SORT1: variants seen among roughly 807,000 people sequenced by gnomAD.
The protein encoded by SORT1 is sortilin.
Under a neutral mutation model 101.7 loss-of-function variants are expected in SORT1, and 39 were observed. That is an observed-to-expected ratio of 0.38 (90% CI 0.30 to 0.50). SORT1 has a LOEUF of 0.50. Among genes scored for constraint, SORT1 ranks in the 20% least tolerant of loss-of-function variants. The pLI is 0.90. For synonymous variants in SORT1, 396 were observed against 393.7 expected (o/e 1.01, Z -0.07); for missense variants, 878 against 1,040.4 (o/e 0.84, Z 2.15).
chr1:109,316,241 G>C lies in SORT1; in HGVS notation c.2250+609C>G, dbSNP rs191209412. 2.1e-3 allele frequency among the ~76,000 whole-genome samples: 313 copies of C among 150,332 alleles called. 4 individuals are homozygous for C. The highest frequency in any genetic ancestry group is 0.019 in the East Asian group (96 of 5,068). The stretch of plus-strand genomic sequence containing the variant: ...ACAGACAACCTTTTTTTTTTGGTAC[G>C]GAGTCTTGCTCTGTTGCCCAGGTTG... On this transcript the variant is annotated intron_variant, in intron 17 of 19. Transcript: ENST00000256637.
chr1:109,393,239 C>G, intron 1 of SORT1: 1 of 985,382 alleles, frequency 1.0e-6, no homozygotes, highest in Non-Finnish European at 1.2e-6. Flanking sequence ...TTTAAGGAAC[C>G]AGATGCTTTA....
At chr1:109,335,067 T>C (rs1222147240) in intron 11 of SORT1, among the ~76,000 whole-genome samples, 1 of 151,652 alleles carries the variant, frequency 6.6e-6, no homozygotes, top group African/African-American at 2.4e-5. Context: ...TCAACTGGGG[T>C]TGGGGGAGAC....
chr1:109,342,616 T>C (rs993918317), intron 8 of SORT1, among the ~76,000 whole-genome samples: 5 of 152,104 alleles, frequency 3.3e-5, no homozygotes, highest in African/African-American at 7.2e-5. Flanking sequence ...GTCTAGAAAA[T>C]AGAGATGAAA....
At chr1:109,340,955 G>C (rs959189399) in intron 9 of SORT1, 76 bp from the exon 10 acceptor site, 10 of 645,024 alleles carry the variant, frequency 1.6e-5, no homozygotes, top group Non-Finnish European at 2.2e-5. Context: ...AACCACACAC[G>C]ATTACCTGCC....
At chr1:109,390,987 T>C (rs1348313215) in intron 1 of SORT1, among the ~76,000 whole-genome samples, 2 of 152,098 alleles carry the variant, frequency 1.3e-5, no homozygotes, top group African/African-American at 4.8e-5. Context: ...CCATCTATTT[T>C]CAAACACACA....
rs549845026 is a variant in SORT1, at chr1:109,335,267, G to A, written c.1371+973C>T. On this transcript the variant is annotated intron_variant, in intron 11 of 19. Coordinates refer to ENST00000256637, the MANE Select transcript of SORT1 (RefSeq NM_002959.7). ...ACAGGCCAAGAGAGCCACAACGAGC[G>A]CTGGGCAGGGAGAGGCATGGGGAGC... Among the ~76,000 whole-genome samples the A allele has an allele frequency of 4.6e-5, 7 of 152,318 alleles. No homozygotes were observed. In the East Asian group the frequency reaches 1.4e-3, roughly 29 times the overall value.
At chr1:109,390,700 CA>C (rs1167803376) in intron 1 of SORT1, among the ~76,000 whole-genome samples, 1 of 151,496 alleles carries the variant, frequency 6.6e-6, no homozygotes, top group Non-Finnish European at 1.5e-5. Context: ...TCCTTCAGAG[CA>C]ATTGTACTGT....
At chr1:109,360,012 AG>A (rs1023775789) in intron 3 of SORT1, among the ~76,000 whole-genome samples, 3 of 152,232 alleles carry the variant, frequency 2.0e-5, no homozygotes, top group African/African-American at 7.2e-5. Context: ...ATTCCAAAAA[AG>A]GGAAATGGAA....
intron 1 of SORT1, among the ~76,000 whole-genome samples, chr1:109,373,430 C>A (rs1302792712): frequency 6.6e-6 from 1 of 152,216 alleles, no homozygotes; most frequent in African/African-American, 2.4e-5. Flanking sequence ...CCCATCAGCA[C>A]ACGCATGTGA....
At chr1:109,336,817 A>G (rs1227134319) in intron 10 of SORT1, among the ~76,000 whole-genome samples, 1 of 152,010 alleles carries the variant, frequency 6.6e-6, no homozygotes, top group East Asian at 1.9e-4. Context: ...TCTCAGAAAA[A>G]AAAAAAAAAA....
chr1:109,314,224 G>A, intron 19 of SORT1, 37 bp downstream of exon 19: 1 of 1,479,648 alleles, frequency 6.8e-7, no homozygotes, highest in East Asian at 2.4e-5. Context: ...ATTTTTTGGG[G>A]GGGGGGGTAC....
chr1:109,355,350 A>C lies in SORT1; in HGVS notation c.543+17T>G. The C allele has an allele frequency of 7.6e-7, 1 of 1,311,646 alleles. No individual in the cohort carries two copies. 81.3% of individuals were successfully genotyped at this position (1,311,646 alleles called of 1,614,324 possible). A position where few individuals can be genotyped will look rare whatever the true frequency, so the allele number is the denominator to read the frequency against. ...GGTATCAAGCACAAGCTTTATGTAT[A>C]CAAGAATGAGTCTCACCTTTCCAGA... On this transcript the variant is annotated intron_variant, in intron 4 of 19. Transcript: ENST00000256637.
intron 5 of SORT1, among the ~76,000 whole-genome samples, chr1:109,353,898 C>T (rs924283136): frequency 1.3e-4 from 20 of 151,666 alleles, no homozygotes; most frequent in African/African-American, 3.6e-4. Flanking sequence ...TGGTAGGGAG[C>T]GCAGGGATTT....
chr1:109,348,228 G>A (rs1649726468), intron 6 of SORT1, among the ~76,000 whole-genome samples: 1 of 152,108 alleles, frequency 6.6e-6, no homozygotes, highest in Non-Finnish European at 1.5e-5. Context: ...GGAGTTTGCA[G>A]GGAACTAGAT....
In SORT1 at chr1:109,329,200, T is replaced by TA. The variant is rs998413668; in HGVS notation, c.1372-1600dup. Among the ~76,000 whole-genome samples the TA allele has an allele frequency of 5.3e-5, 8 of 152,120 alleles. No homozygotes were observed. The East Asian group carries it at 5.8e-4, about 11-fold the overall frequency. On this transcript the variant is annotated intron_variant, in intron 11 of 19. Transcript: ENST00000256637. Reference sequence around the variant, plus strand: ...AGGACACATAGGCTAAAAGTAGAGATAAAAAAAAGATATTCCACTCAAATG... The same window carrying TA: ...AGGACACATAGGCTAAAAGTAGAGATAAAAAAAAAGATATTCCACTCAAATG...
chr1:109,397,773 CG>C lies in SORT1; in HGVS notation c.119del (p.Pro40ArgfsTer17). The C allele has an allele frequency of 8.2e-7, 1 of 1,213,908 alleles. No homozygotes were observed. The highest frequency in any genetic ancestry group is 2.5e-5 in the South Asian group (1 of 40,024). 75.2% of individuals were successfully genotyped at this position (1,213,908 alleles called of 1,614,324 possible). The stretch of plus-strand genomic sequence containing the variant: ...GCGGCAGCGGCGCAGCGGGCGGCGG[CG>C]GCGCGTCCAGCCGGTCCTGGCTGAG... Reference protein sequence around the residue: ...STLSQDRLDAPPPPAAPLPRW... With the variant: ...STLSQDRLDAXPPPAAPLPRW... On this transcript the variant is annotated frameshift_variant, in exon 1 of 20. Coordinates refer to ENST00000256637, the MANE Select transcript of SORT1 (RefSeq NM_002959.7). LOFTEE classifies it high-confidence loss of function.
At chr1:109,323,470 C>T (rs1049819444) in intron 14 of SORT1, among the ~76,000 whole-genome samples, 2 of 152,198 alleles carry the variant, frequency 1.3e-5, no homozygotes, top group African/African-American at 4.8e-5. Flanking sequence ...TCAGTAGGAG[C>T]TGTCAGAGGT....
intron 5 of SORT1, among the ~76,000 whole-genome samples, chr1:109,352,172 G>C (rs1650014258): frequency 6.6e-6 from 1 of 152,138 alleles, no homozygotes; most frequent in African/African-American, 2.4e-5. Flanking sequence ...GGTGCTTGTG[G>C]AACATCCAGC....
At chr1:109,348,010 T>C (rs1190261916) in intron 6 of SORT1, among the ~76,000 whole-genome samples, 3 of 152,386 alleles carry the variant, frequency 2.0e-5, no homozygotes, top group African/African-American at 7.2e-5. Flanking sequence ...CCACTTGGCA[T>C]GCATTTGCCT....
Sources: gnomAD v4.1 joint callset for allele counts (sites outside exome capture counted in the v4.1 genomes callset) on GRCh38, gnomAD v4.1.1 for gene constraint, MANE v1.5 for transcripts, NCBI Gene and HGNC (gene_info 2026-07-23, HGNC 2026-07-21) for gene names.